The following PPP1R42 variants were observed in gnomAD, a reference collection of about 807,000 sequenced individuals.
PPP1R42 encodes the protein leucine rich repeat containing 67.
PPP1R42 carries 34 observed loss-of-function variants against 31.0 expected under a neutral mutation model. The observed-to-expected ratio is 1.10, with a 90% confidence interval of 0.83 to 1.46. The LOEUF is 1.46. Ranked by LOEUF, PPP1R42 falls within the 40% of genes most tolerant of loss-of-function variation. The probability of loss-of-function intolerance (pLI) is 0.00; values close to 1 mark genes in which losing one functional copy is unlikely to be tolerated. For synonymous variants in PPP1R42, 103 were observed against 109.8 expected (o/e 0.94, Z 0.39); for missense variants, 268 against 303.0 (o/e 0.88, Z 0.86).
chr8:67,009,629 C>T (rs1405099832), intron 5 of PPP1R42, among the ~76,000 whole-genome samples: 2 of 152,106 alleles, frequency 1.3e-5, no homozygotes, highest in African/African-American at 4.8e-5. Flanking sequence ...GAACGTCTTA[C>T]ATTTTTCACA....
chr8:66,981,907 GTAAA>G, intron 7 of PPP1R42, 138 bp downstream of exon 7: 2 of 845,350 alleles, frequency 2.4e-6, no homozygotes, highest in Non-Finnish European at 3.2e-6. Context: ...GTACAACTAA[GTAAA>G]TAAGTTTTAA....
intron 5 of PPP1R42, among the ~76,000 whole-genome samples, chr8:66,991,233 G>C (rs573653447): frequency 6.6e-6 from 1 of 152,094 alleles, no homozygotes; most frequent in South Asian, 2.1e-4. Context: ...ATATTTATTT[G>C]ACTTAATAGT....
chr8:67,022,668 T>C (rs1479144958), intron 1 of PPP1R42, among the ~76,000 whole-genome samples: 1 of 152,190 alleles, frequency 6.6e-6, no homozygotes, highest in Non-Finnish European at 1.5e-5. Context: ...TGATGCATTT[T>C]GGTCTTTATC....
rs1258868095 is a variant in PPP1R42, at chr8:67,017,712, G to A, written c.36C>T (p.Asn12=). Residue 12 remains asparagine (N), a synonymous_variant, in exon 2 of 8, where the codon AAC becomes AAT. Coordinates refer to ENST00000685739, the MANE Select transcript of PPP1R42 (RefSeq NM_001364910.1). ...CTTCTTTTCGGGGTTTAAGATTGCT[G>A]TTTCTGGCAATTAGATCCAAGGTCA... ...VRLTLDLIAR[N]SNLKPRKEET... 1.9e-6 allele frequency: 3 copies of A among 1,598,964 alleles called. No individual in the cohort carries two copies. Among genetic ancestry groups the A allele is most frequent in the Non-Finnish European group, 1.7e-6 (2 of 1,173,294 alleles).
At chr8:67,023,250 A>G (rs1295400994) in intron 1 of PPP1R42, among the ~76,000 whole-genome samples, 1 of 152,060 alleles carries the variant, frequency 6.6e-6, no homozygotes, top group Non-Finnish European at 1.5e-5. Context: ...AGCTGGGACT[A>G]CAAGCCTGCG....
intron 7 of PPP1R42, among the ~76,000 whole-genome samples, chr8:66,974,129 C>T (rs1814608824): frequency 6.6e-6 from 1 of 152,136 alleles, no homozygotes. Flanking sequence ...GGTCATATGG[C>T]AGTCCTATTT....
chr8:66,990,626 C>G (rs145966096), intron 5 of PPP1R42, among the ~76,000 whole-genome samples: 2 of 152,306 alleles, frequency 1.3e-5, no homozygotes, highest in East Asian at 3.9e-4. Flanking sequence ...GGGCTGATGC[C>G]TAAGCTCCTT....
At chr8:67,001,964 A>G (rs1370229534) in intron 5 of PPP1R42, among the ~76,000 whole-genome samples, 1 of 152,176 alleles carries the variant, frequency 6.6e-6, no homozygotes, top group African/African-American at 2.4e-5. Flanking sequence ...CCTGTCTAAA[A>G]ACAAAAATTA....
chr8:67,016,346 C>G (rs996741739), intron 2 of PPP1R42, among the ~76,000 whole-genome samples: 2 of 152,108 alleles, frequency 1.3e-5, no homozygotes, highest in Non-Finnish European at 2.9e-5. Context: ...TCAGGTAGTT[C>G]CTGTGTTTCC....
At chr8:67,013,231 CTA>C (rs1815897242) in intron 3 of PPP1R42, 135 bp from the exon 4 acceptor site, 2 of 617,818 alleles carry the variant, frequency 3.2e-6, no homozygotes, top group Non-Finnish European at 5.1e-6. Context: ...TATATTGAAT[CTA>C]TGAAAGGTTG....
intron 7 of PPP1R42, among the ~76,000 whole-genome samples, chr8:66,972,580 G>T (rs1814566326): frequency 1.3e-5 from 2 of 152,140 alleles, no homozygotes; most frequent in South Asian, 2.1e-4. Flanking sequence ...AGTAGAGGCG[G>T]GGTTTCACCA....
chr8:66,977,937 C>T (rs1814724236), intron 7 of PPP1R42, among the ~76,000 whole-genome samples: 1 of 152,226 alleles, frequency 6.6e-6, no homozygotes, highest in Non-Finnish European at 1.5e-5. Context: ...TTGTAAGCCA[C>T]CATGTCCAGC....
At chr8:66,994,733 A>C (rs1004682551) in intron 5 of PPP1R42, among the ~76,000 whole-genome samples, 1 of 152,334 alleles carries the variant, frequency 6.6e-6, no homozygotes, top group East Asian at 1.9e-4. Context: ...CTATTACAAT[A>C]TTTATAATAA....
At chr8:67,002,740 G>GTT (rs1239836075) in intron 5 of PPP1R42, among the ~76,000 whole-genome samples, 8 of 115,068 alleles carry the variant, frequency 7.0e-5, no homozygotes, top group Non-Finnish European at 1.3e-4. Flanking sequence ...TTTTTTCAGT[G>GTT]TTTTTTTTTT....
At chr8:66,965,691 C>T (rs780149788) in intron 7 of PPP1R42, among the ~76,000 whole-genome samples, 6 of 152,078 alleles carry the variant, frequency 3.9e-5, no homozygotes, top group Non-Finnish European at 7.4e-5. Flanking sequence ...GAGGCTGAGG[C>T]AGGAGGATTG....
chr8:67,021,652 A>G (rs1257846017), intron 1 of PPP1R42, among the ~76,000 whole-genome samples: 2 of 152,146 alleles, frequency 1.3e-5, no homozygotes, highest in Non-Finnish European at 2.9e-5. Context: ...AATACATTTG[A>G]AACCCCTCTA....
chr8:67,018,981 C>T (rs1189095937), intron 1 of PPP1R42, among the ~76,000 whole-genome samples: 1 of 151,474 alleles, frequency 6.6e-6, no homozygotes, highest in African/African-American at 2.4e-5. Context: ...AGGCACACGC[C>T]GCCATGCCCG....
At chr8:66,996,674 C>T (rs1412880325) in intron 5 of PPP1R42, among the ~76,000 whole-genome samples, 4 of 152,032 alleles carry the variant, frequency 2.6e-5, no homozygotes, top group African/African-American at 9.7e-5. Context: ...GTGCTTTTTG[C>T]GTTCTTTTAA....
intron 5 of PPP1R42, among the ~76,000 whole-genome samples, chr8:66,993,727 T>C (rs552713533): frequency 1.3e-5 from 2 of 152,336 alleles, no homozygotes; most frequent in East Asian, 3.9e-4. Flanking sequence ...CCCCTGAATG[T>C]TGAGAATTCC....
Sources: allele counts gnomAD v4.1 joint callset (sites outside exome capture counted in the v4.1 genomes callset), GRCh38; gene constraint gnomAD v4.1.1; transcripts MANE v1.5; gene names NCBI Gene and HGNC (gene_info 2026-07-23, HGNC 2026-07-21).